Variants in ZNF600 observed in about 807,000 individuals in gnomAD.
The protein encoded by ZNF600 is zinc finger protein KR-ZNF1.
Under a neutral mutation model 7.3 loss-of-function variants are expected in ZNF600, and 4 were observed. That is an observed-to-expected ratio of 0.55 (90% CI 0.27 to 1.25). ZNF600 has a LOEUF of 1.25. ZNF600 is among the 50% of genes most tolerant of loss of function. ZNF600 has a pLI of 0.12. For synonymous variants in ZNF600, 290 were observed against 308.9 expected (o/e 0.94, Z 0.64); for missense variants, 911 against 922.1 (o/e 0.99, Z 0.16).
At chr19:52,801,273 T>C in the ZNF600 span, 4 of 1,614,228 alleles carry the variant, frequency 2.5e-6, no homozygotes, top group Non-Finnish European at 3.4e-6. Context: ...ATTTCCATAC[T>C]TATTAGAAAT....
At chr19:52,773,905 A>C (rs1450543691) in intron 3 of ZNF600, among the ~76,000 whole-genome samples, 3 of 150,374 alleles carry the variant, frequency 2.0e-5, no homozygotes, top group East Asian at 2.1e-4. Flanking sequence ...TTTAATAGAA[A>C]TGTGGTTTCA....
In ZNF600 at chr19:52,784,196, C is replaced by T. The variant is rs1164134199; in HGVS notation, c.-20+2399G>A. ...TTGAGCCCAGGATCTTGAGACCAGCCTGGGAAACATACTGAAACCCTGTTT... is the reference window on the plus strand; with the variant it reads ...TTGAGCCCAGGATCTTGAGACCAGCTTGGGAAACATACTGAAACCCTGTTT... On this transcript the variant is annotated intron_variant, in intron 1 of 3. Transcript: ENST00000648973. Among the ~76,000 whole-genome samples the T allele has an allele frequency of 2.0e-5, 3 of 152,056 alleles. No homozygotes were observed. In the East Asian group the frequency reaches 5.8e-4, roughly 29 times the overall value.
chr19:52,786,287 AC>A (rs2062762949), intron 1 of ZNF600, among the ~76,000 whole-genome samples: 1 of 152,016 alleles, frequency 6.6e-6, no homozygotes, highest in African/African-American at 2.4e-5. Flanking sequence ...GGGCGACGGC[AC>A]CCTAAGACAA....
the ZNF600 span, chr19:52,810,718 G>A: frequency 2.6e-5 from 19 of 733,570 alleles, no homozygotes; most frequent in Non-Finnish European, 4.4e-5. Context: ...AAAAAAATGT[G>A]TATTAGGAGA....
intron 1 of ZNF600, among the ~76,000 whole-genome samples, chr19:52,782,016 G>A (rs1057193482): frequency 1.3e-5 from 2 of 151,646 alleles, no homozygotes; most frequent in South Asian, 2.1e-4. Context: ...AGACGAGATC[G>A]TGCCACTGCA....
chr19:52,791,829 C>A, the ZNF600 span, among the ~76,000 whole-genome samples: 1 of 152,204 alleles, frequency 6.6e-6, no homozygotes, highest in South Asian at 2.1e-4. Flanking sequence ...CTGGGCTGGA[C>A]TGATCTCCCC....
At chr19:52,802,211 T>C in the ZNF600 span, among the ~76,000 whole-genome samples, 1 of 151,998 alleles carries the variant, frequency 6.6e-6, no homozygotes, top group Non-Finnish European at 1.5e-5. Flanking sequence ...TAACAAAAGA[T>C]TATAAAAATT....
chr19:52,808,338 A>C, the ZNF600 span, among the ~76,000 whole-genome samples: 4 of 152,214 alleles, frequency 2.6e-5, no homozygotes, highest in Non-Finnish European at 5.9e-5. Context: ...TAAGTTTGTG[A>C]AAAATTCAAG....
At chr19:52,820,417 CT>C in the ZNF600 span, among the ~76,000 whole-genome samples, 1 of 149,428 alleles carries the variant, frequency 6.7e-6, no homozygotes, top group Non-Finnish European at 1.5e-5. Flanking sequence ...GCGCCCGGCC[CT>C]TATTTAACCT....
chr19:52,783,062 C>T lies in ZNF600; in HGVS notation c.-20+3533G>A, dbSNP rs571544731. 2.2e-5 allele frequency among the ~76,000 whole-genome samples: 3 copies of T among 137,486 alleles called. No homozygotes were observed. In the South Asian group the frequency reaches 6.7e-4, roughly 31 times the overall value. The allele number at this position is 137,486 out of a possible 152,430, so 90.2% of individuals were successfully genotyped here. A position where few individuals can be genotyped will look rare whatever the true frequency, so the allele number is the denominator to read the frequency against. On this transcript the variant is annotated intron_variant, in intron 1 of 3. Coordinates refer to ENST00000648973, the Ensembl canonical transcript of ZNF600. Reference sequence around the variant, plus strand: ...TTCTCTCCCTCACTCCCCACCCCATCCATGAAAAGGGAAGAGGGTGATCCA... The same window carrying T: ...TTCTCTCCCTCACTCCCCACCCCATTCATGAAAAGGGAAGAGGGTGATCCA...
chr19:52,830,028 C>T, the ZNF600 span, among the ~76,000 whole-genome samples: 1 of 152,132 alleles, frequency 6.6e-6, no homozygotes, highest in Admixed American at 6.5e-5. Flanking sequence ...AATCCCAACA[C>T]TTTGGAAGAC....
At chr19:52,800,338 C>T in the ZNF600 span, 12 of 1,613,852 alleles carry the variant, frequency 7.4e-6, no homozygotes, top group Non-Finnish European at 1.0e-5. Flanking sequence ...CTCCGGAAAG[C>T]CTTGTCACAA....
intron 1 of ZNF600, among the ~76,000 whole-genome samples, chr19:52,785,591 C>A (rs900771310): frequency 5.9e-5 from 9 of 152,044 alleles, no homozygotes; most frequent in African/African-American, 2.2e-4. Flanking sequence ...ATCTTTCAAT[C>A]TTCCTCAATG....
chr19:52,793,982 G>A, the ZNF600 span, among the ~76,000 whole-genome samples: 785 of 152,304 alleles, frequency 5.2e-3, 8 homozygotes, highest in African/African-American at 0.017. Flanking sequence ...CATCTGAGAC[G>A]TGTAGGACTG....
intron 1 of ZNF600, chr19:52,780,661 G>C (rs143712319): frequency 3.7e-4 from 57 of 152,268 alleles, no homozygotes; most frequent in African/African-American, 1.3e-3. Flanking sequence ...CCAGGAGTCA[G>C]AGGTTGCAGT....
chr19:52,799,692 G>A, the ZNF600 span: 1 of 1,536,292 alleles, frequency 6.5e-7, no homozygotes, highest in African/African-American at 1.4e-5. Context: ...ACACTTTCAA[G>A]GTTTCTCTCC....
the ZNF600 span, chr19:52,810,259 C>G: frequency 7.4e-7 from 1 of 1,344,698 alleles, no homozygotes; most frequent in Middle Eastern, 2.4e-4. Context: ...CCAGGCAATG[C>G]TGGCCCAGTG....
At chr19:52,829,821 T>TCC in the ZNF600 span, among the ~76,000 whole-genome samples, 1 of 151,258 alleles carries the variant, frequency 6.6e-6, no homozygotes, top group Non-Finnish European at 1.5e-5. Flanking sequence ...CAGTCTAAGC[T>TCC]GTTTCTGACA....
the ZNF600 span, among the ~76,000 whole-genome samples, chr19:52,815,169 T>C: frequency 6.9e-6 from 1 of 144,638 alleles, no homozygotes; most frequent in Admixed American, 7.1e-5. Flanking sequence ...AGAGGAATCT[T>C]GCCTTGGTGG....
Sources: allele counts gnomAD v4.1 joint callset (sites outside exome capture counted in the v4.1 genomes callset), GRCh38; gene constraint gnomAD v4.1.1; transcripts MANE v1.5; gene names NCBI Gene and HGNC (gene_info 2026-07-23, HGNC 2026-07-21).